BTN3A2: variants seen among roughly 807,000 people sequenced by gnomAD.
The protein encoded by BTN3A2 is butyrophilin protein.
Under a neutral mutation model 37.6 loss-of-function variants are expected in BTN3A2, and 25 were observed. The ratio of observed to expected loss-of-function variants is 0.66; its 90% CI spans 0.48 to 0.93. The LOEUF (loss-of-function observed/expected upper bound fraction) is 0.93. Ranked by LOEUF, BTN3A2 falls within the 40% of genes least tolerant of loss-of-function variation. The pLI, the probability that BTN3A2 is intolerant of heterozygous loss-of-function variation, is 0.00. For missense variants in BTN3A2, 266 were observed against 410.9 expected (o/e 0.65, Z 3.05); for synonymous variants, 122 against 159.4 (o/e 0.77, Z 1.77).
In BTN3A2 at chr6:26,376,776, C is replaced by T; in HGVS notation, c.*1014C>T. The stretch of plus-strand genomic sequence containing the variant: ...GGAAGTGGGGGACAGAAAAGAGTGG[C>T]ATATTGGGGTATGTAGTAAGAACGT... On this transcript the variant is annotated 3_prime_UTR_variant, in exon 11 of 11. Coordinates refer to ENST00000377708, the MANE Select transcript of BTN3A2 (RefSeq NM_007047.5). The T allele has an allele frequency of 3.7e-6, 6 of 1,610,724 alleles. 1 individual carries two copies. The highest frequency in any genetic ancestry group is 5.1e-6 in the Non-Finnish European group (6 of 1,177,122).
chr6:26,373,121 T>C (rs1454437010), intron 6 of BTN3A2, 24 bp downstream of exon 6: 4 of 1,611,612 alleles, frequency 2.5e-6, no homozygotes, highest in African/African-American at 1.3e-5. Context: ...GCAGAGAATC[T>C]AAGCTCTTGG....
intron 8 of BTN3A2, 133 bp downstream of exon 8, chr6:26,373,546 G>T: frequency 1.3e-6 from 1 of 789,300 alleles, no homozygotes; most frequent in Non-Finnish European, 1.8e-6. Context: ...AAGAAAACAA[G>T]TGTGGCTCTT....
rs1581561520 is a variant in BTN3A2, at chr6:26,373,284, C to T, written c.925C>T (p.Gln309Ter). 1.9e-6 allele frequency: 3 copies of T among 1,581,204 alleles called. No homozygotes were observed. The East Asian group carries it at 6.8e-5, about 36-fold the overall frequency. Reference protein sequence around the residue: ...EREISLRESLQEELKRKKIQY... With the variant: ...EREISLRESL ...TTTTGGTTATTTTCCAGAGAGCCTC[C>T]AGGAGGAACTCAGTAAGTTACCATT... The change falls in exon 7 of 11, where the codon CAG becomes TAG. Residue 309 changes from glutamine to a stop codon, truncating the protein, a stop_gained. Coordinates refer to ENST00000377708, the MANE Select transcript of BTN3A2 (RefSeq NM_007047.5). LOFTEE classifies it high-confidence loss of function.
chr6:26,376,943 C>T lies in BTN3A2; in HGVS notation c.*1181C>T, dbSNP rs1760749599. ...CTGAGCCTCCTAGGAAAGTGGGGGT[C>T]ATCCTGGACTATGAGACTGGACATA... On this transcript the variant is annotated 3_prime_UTR_variant, in exon 11 of 11. Transcript: ENST00000377708. 6.2e-7 allele frequency: 1 copy of T among 1,608,126 alleles called. No homozygotes were observed. Among genetic ancestry groups the T allele is most frequent in the Non-Finnish European group, 8.5e-7 (1 of 1,174,854 alleles).
intron 1 of BTN3A2, 142 bp downstream of exon 1, chr6:26,365,494 G>A: frequency 3.0e-6 from 2 of 675,714 alleles, no homozygotes; most frequent in Non-Finnish European, 2.4e-6. Flanking sequence ...GTGTGTGTGT[G>A]TGTGTGTGTG....
intron 1 of BTN3A2, among the ~76,000 whole-genome samples, chr6:26,367,744 G>A (rs1759656041): frequency 6.6e-6 from 1 of 152,190 alleles, no homozygotes; most frequent in African/African-American, 2.4e-5. Flanking sequence ...CAGGCCATAA[G>A]TTGACTGTAG....
At chr6:26,372,691 A>G in intron 5 of BTN3A2, 1 of 566,252 alleles carries the variant, frequency 1.8e-6, no homozygotes, top group Non-Finnish European at 3.0e-6. Context: ...AGACATCTCA[A>G]GATAAGTAAT....
chr6:26,365,673 G>T (rs558281830), intron 1 of BTN3A2, among the ~76,000 whole-genome samples: 29 of 152,202 alleles, frequency 1.9e-4, no homozygotes, highest in African/African-American at 6.5e-4. Flanking sequence ...TGTTCTTAAC[G>T]TATTGTGGTC....
At position 26,377,403 on chromosome 6, in the gene BTN3A2, G is replaced by T; in HGVS notation, c.*1641G>T. The T allele has an allele frequency of 4.0e-6, 2 of 501,812 alleles. No individual in the cohort carries two copies. Among genetic ancestry groups the T allele is most frequent in the South Asian group, 2.0e-5 (1 of 49,174 alleles). The allele number at this position is 501,812 out of a possible 1,614,324, so 31.1% of individuals were successfully genotyped here. A position where few individuals can be genotyped will look rare whatever the true frequency, so the allele number is the denominator to read the frequency against. On this transcript the variant is annotated 3_prime_UTR_variant, in exon 11 of 11. Coordinates refer to ENST00000377708, the MANE Select transcript of BTN3A2 (RefSeq NM_007047.5). ...TAAGGAAACTGGGGTGTAGAAAAGT[G>T]TATTGACTTTACAAAGCAGACAGGA...
chr6:26,372,829 T>C, intron 5 of BTN3A2, 68 bp from the exon 6 acceptor site: 4 of 1,588,100 alleles, frequency 2.5e-6, no homozygotes, highest in Non-Finnish European at 3.4e-6. Flanking sequence ...CAGCTAAAGC[T>C]TGGGGTGCTG....
chr6:26,374,933 A>C, intron 10 of BTN3A2, 135 bp downstream of exon 10: 5 of 900,402 alleles, frequency 5.6e-6, no homozygotes, highest in Non-Finnish European at 8.5e-6. Flanking sequence ...GAAGACGCAT[A>C]AAGGGTGGAG....
chr6:26,373,328 T>G, intron 7 of BTN3A2, 32 bp downstream of exon 7: 1 of 1,603,866 alleles, frequency 6.2e-7, no homozygotes, highest in Non-Finnish European at 8.5e-7. Context: ...GATCCAGACA[T>G]GTCTTCCTAT....
Position 26,375,879 on chromosome 6 carries a change from A to G in BTN3A2, c.*117A>G. ...AATAGACTGCAGAAAAGGGGAACTC[A>G]TTTAGCTCACGAGTGGTCGAGTGAA... On this transcript the variant is annotated 3_prime_UTR_variant, in exon 11 of 11. Transcript: ENST00000377708. 22 of 1,541,736 alleles carry G rather than the reference A, an allele frequency of 1.4e-5. No homozygotes were observed. The highest frequency in any genetic ancestry group is 1.8e-5 in the Non-Finnish European group (20 of 1,138,076).
chr6:26,374,599 T>A, intron 9 of BTN3A2, 172 bp from the exon 10 acceptor site: 1 of 896,096 alleles, frequency 1.1e-6, no homozygotes, highest in Non-Finnish European at 1.7e-6. Context: ...GAGCCAAGCC[T>A]GACATTTTTG....
chr6:26,365,229 A>G lies in BTN3A2; in HGVS notation c.-190A>G. On this transcript the variant is annotated 5_prime_UTR_variant, in exon 1 of 11. Transcript: ENST00000377708. The stretch of plus-strand genomic sequence containing the variant: ...TACTGTTTCTCATGGTGAGAAGACA[A>G]TATTTGCTTTCTCTTTTTCCTTTCT... 3.7e-6 allele frequency: 5 copies of G among 1,362,590 alleles called. No individual in the cohort carries two copies. The South Asian group carries it at 6.3e-5, about 17-fold the overall frequency. 84.4% of individuals were successfully genotyped at this position (1,362,590 alleles called of 1,614,324 possible).
At chr6:26,367,613 A>G (rs555360606) in intron 1 of BTN3A2, among the ~76,000 whole-genome samples, 3 of 152,348 alleles carry the variant, frequency 2.0e-5, no homozygotes, top group Admixed American at 1.3e-4. Flanking sequence ...AGATGAGTAA[A>G]GCCTGGTCTT....
At position 26,370,313 on chromosome 6, in the gene BTN3A2, C is replaced by G; in HGVS notation, c.434-9C>G. The G allele has an allele frequency of 6.2e-7, 1 of 1,612,828 alleles. No individual in the cohort carries two copies. Among genetic ancestry groups the G allele is most frequent in the Non-Finnish European group, 8.5e-7 (1 of 1,178,864 alleles). ...TATCCAGAATTTAGGCCAAATTATC[C>G]TTCCACAGCACTGGGTTCTAATCTT... On this transcript the variant is annotated splice_polypyrimidine_tract_variant and intron_variant, in intron 4 of 10. Coordinates refer to ENST00000377708, the MANE Select transcript of BTN3A2 (RefSeq NM_007047.5).
In BTN3A2 at chr6:26,377,260, G is replaced by A. The variant is rs200164055; in HGVS notation, c.*1498G>A. 6.5e-5 allele frequency: 53 copies of A among 813,582 alleles called. 1 individual carries two copies. The highest frequency in any genetic ancestry group is 4.6e-4 in the South Asian group (33 of 72,282). 50.4% of individuals were successfully genotyped at this position (813,582 alleles called of 1,614,324 possible). On this transcript the variant is annotated 3_prime_UTR_variant, in exon 11 of 11. Coordinates refer to ENST00000377708, the MANE Select transcript of BTN3A2 (RefSeq NM_007047.5). ...GCTAAGGGTCTCACCCTCCACAACA[G>A]CCAGTCAGAACCATAAAGCTACAGG...
intron 4 of BTN3A2, among the ~76,000 whole-genome samples, chr6:26,369,381 T>G (rs1283021483): frequency 6.6e-6 from 1 of 152,174 alleles, no homozygotes; most frequent in East Asian, 1.9e-4. Context: ...TCTTACGTGT[T>G]GCAGTGAGGA....
Sources: allele counts gnomAD v4.1 joint callset (sites outside exome capture counted in the v4.1 genomes callset), GRCh38; gene constraint gnomAD v4.1.1; transcripts MANE v1.5; gene names NCBI Gene and HGNC (gene_info 2026-07-23, HGNC 2026-07-21).